The following DYNC1I1 variants were observed in gnomAD, a reference collection of about 807,000 sequenced individuals.
DYNC1I1 encodes dynein cytoplasmic 1 intermediate chain 1, also known as cytoplasmic dynein 1 intermediate chain 1.
DYNC1I1 carries 43 observed loss-of-function variants against 86.6 expected under a neutral mutation model. The ratio of observed to expected loss-of-function variants is 0.50; its 90% CI spans 0.39 to 0.64. The LOEUF (loss-of-function observed/expected upper bound fraction) is 0.64, where lower values mean the gene tolerates loss of function less well. Among genes scored for constraint, DYNC1I1 ranks in the 30% least tolerant of loss-of-function variants. The pLI, the probability that DYNC1I1 is intolerant of heterozygous loss-of-function variation, is 0.00. For synonymous variants in DYNC1I1, 262 were observed against 283.7 expected, an observed-to-expected ratio of 0.92 and a Z score of 0.77; for missense variants, 604 against 788.8, an observed-to-expected ratio of 0.77 and a Z score of 2.81.
chr7:95,773,102 G>T (rs978510950), intron 1 of DYNC1I1, among the ~76,000 whole-genome samples: 1 of 152,344 alleles, frequency 6.6e-6, no homozygotes. Flanking sequence ...TTCCCCGGGG[G>T]AGCAGTGGGC....
chr7:95,789,877 A>T (rs910738210), intron 1 of DYNC1I1, among the ~76,000 whole-genome samples: 1 of 152,234 alleles, frequency 6.6e-6, no homozygotes, highest in African/African-American at 2.4e-5. Flanking sequence ...TGTGTATGTA[A>T]CAGTAAATGT....
At chr7:95,830,146 T>A (rs541171413) in intron 5 of DYNC1I1, among the ~76,000 whole-genome samples, 2 of 152,278 alleles carry the variant, frequency 1.3e-5, no homozygotes, top group African/African-American at 4.8e-5. Flanking sequence ...TCTTGAGCTG[T>A]GGCATGGGAA....
rs1185223313 is a variant in DYNC1I1, at chr7:95,797,972, G to GT, written c.-9-6742dup. On this transcript the variant is annotated intron_variant, in intron 1 of 16. Transcript: ENST00000447467. ...TTTTTTTTGGTCTTGGAAATTGTAT[G>GT]TTTTTTTCACAAAATGTTAATAAAT... Among the ~76,000 whole-genome samples the GT allele has an allele frequency of 2.6e-5, 4 of 151,658 alleles. No individual in the cohort carries two copies. In the East Asian group the frequency reaches 5.8e-4, roughly 22 times the overall value.
chr7:95,784,601 C>T (rs1258945073), intron 1 of DYNC1I1, among the ~76,000 whole-genome samples: 1 of 152,156 alleles, frequency 6.6e-6, no homozygotes, highest in Non-Finnish European at 1.5e-5. Context: ...CTGTCTTTGG[C>T]AAATAGTTAT....
intron 5 of DYNC1I1, among the ~76,000 whole-genome samples, chr7:95,862,959 A>C (rs1402225533): frequency 6.6e-6 from 1 of 152,204 alleles, no homozygotes; most frequent in African/African-American, 2.4e-5. Context: ...TATTTTTAAA[A>C]ATTTTTATTT....
At chr7:95,972,249 G>A (rs1042988962) in intron 6 of DYNC1I1, among the ~76,000 whole-genome samples, 1 of 152,174 alleles carries the variant, frequency 6.6e-6, no homozygotes, top group Non-Finnish European at 1.5e-5. Flanking sequence ...GGAGGCAGAA[G>A]GAACAGGTTT....
At chr7:95,881,309 A>T (rs1332727922) in intron 6 of DYNC1I1, among the ~76,000 whole-genome samples, 1 of 152,124 alleles carries the variant, frequency 6.6e-6, no homozygotes, top group African/African-American at 2.4e-5. Flanking sequence ...CTAACTGTGT[A>T]GGTTTGTGAG....
At chr7:96,015,830 G>T (rs1183695060) in intron 10 of DYNC1I1, among the ~76,000 whole-genome samples, 3 of 152,058 alleles carry the variant, frequency 2.0e-5, no homozygotes, top group Non-Finnish European at 4.4e-5. Flanking sequence ...TTTGGGATTG[G>T]TTAACAATTT....
At chr7:96,037,513 C>T (rs1478851931) in intron 13 of DYNC1I1, among the ~76,000 whole-genome samples, 1 of 152,126 alleles carries the variant, frequency 6.6e-6, no homozygotes, top group African/African-American at 2.4e-5. Context: ...GACCTGGAGT[C>T]ACAGCTTTAT....
chr7:95,995,848 C>T (rs1793853592), intron 9 of DYNC1I1, 100 bp from the exon 10 acceptor site: 2 of 1,463,300 alleles, frequency 1.4e-6, no homozygotes, highest in Non-Finnish European at 9.1e-7. Context: ...CAGAAAGCAC[C>T]ATTTACACTG....
intron 5 of DYNC1I1, among the ~76,000 whole-genome samples, chr7:95,864,846 T>A (rs1194610454): frequency 6.6e-6 from 1 of 152,056 alleles, no homozygotes; most frequent in Non-Finnish European, 1.5e-5. Context: ...TGGGATCTGA[T>A]GGCAGGGTGG....
intron 16 of DYNC1I1, among the ~76,000 whole-genome samples, chr7:96,093,675 A>G (rs1001167373): frequency 6.6e-6 from 1 of 152,246 alleles, no homozygotes; most frequent in African/African-American, 2.4e-5. Flanking sequence ...TCCCTAACCT[A>G]TGATGCAGAC....
chr7:95,984,855 C>G lies in DYNC1I1; in HGVS notation c.621C>G (p.Ile207Met). ...RELTEEEKQQ[I>M]LHSEEFLIFF... ...TGACAGAGGAAGAAAAACAGCAGAT[C>G]CTTCATTCAGAGGAATTTCTCATCT... The change falls in exon 8 of 17, where the codon ATC (isoleucine) becomes ATG (methionine). Residue 207 changes from isoleucine to methionine, a missense_variant. Physicochemically the swap from Ile to Met is conservative, Grantham distance 10. Transcript: ENST00000447467. The G allele has an allele frequency of 2.5e-6, 4 of 1,612,744 alleles. No homozygotes were observed. The highest frequency in any genetic ancestry group is 3.4e-6 in the Non-Finnish European group (4 of 1,179,456).
At chr7:95,868,165 A>G (rs1224558886) in intron 5 of DYNC1I1, among the ~76,000 whole-genome samples, 4 of 152,222 alleles carry the variant, frequency 2.6e-5, no homozygotes, top group African/African-American at 4.8e-5. Flanking sequence ...AAACAGGCCC[A>G]TGTGGTTCAG....
At chr7:96,078,023 T>G (rs1171623001) in intron 15 of DYNC1I1, among the ~76,000 whole-genome samples, 1 of 152,214 alleles carries the variant, frequency 6.6e-6, no homozygotes, top group Non-Finnish European at 1.5e-5. Flanking sequence ...TCAAATCCAG[T>G]AATGAACCGA....
intron 1 of DYNC1I1, among the ~76,000 whole-genome samples, chr7:95,801,572 A>G (rs931535877): frequency 1.9e-4 from 29 of 152,288 alleles, no homozygotes; most frequent in African/African-American, 7.0e-4. Flanking sequence ...GGAAATGTGG[A>G]GGAGGGGAAA....
chr7:95,889,357 C>T (rs1410626416), intron 6 of DYNC1I1, among the ~76,000 whole-genome samples: 1 of 152,114 alleles, frequency 6.6e-6, no homozygotes, highest in African/African-American at 2.4e-5. Flanking sequence ...GAAACGACTT[C>T]CTGTTCAATA....
At chr7:96,021,742 T>C (rs1723913188) in intron 10 of DYNC1I1, among the ~76,000 whole-genome samples, 1 of 152,198 alleles carries the variant, frequency 6.6e-6, no homozygotes, top group African/African-American at 2.4e-5. Flanking sequence ...CTGGACATTT[T>C]ATGTAAATGG....
At chr7:95,793,159 T>C (rs1015549216) in intron 1 of DYNC1I1, among the ~76,000 whole-genome samples, 6 of 152,020 alleles carry the variant, frequency 3.9e-5, no homozygotes, top group Non-Finnish European at 7.4e-5. Context: ...TAGGAGAGTA[T>C]TGCAATTGTC....
Sources: gnomAD v4.1 joint callset for allele counts (sites outside exome capture counted in the v4.1 genomes callset) on GRCh38, gnomAD v4.1.1 for gene constraint, MANE v1.5 for transcripts, NCBI Gene and HGNC (gene_info 2026-07-23, HGNC 2026-07-21) for gene names.